DGKZ: variants seen among roughly 807,000 people sequenced by gnomAD.
DGKZ encodes diacylglycerol kinase zeta.
A neutral mutation model predicts 142.5 loss-of-function variants in DGKZ; 45 were observed. That is an observed-to-expected ratio of 0.32 (90% CI 0.25 to 0.40). The LOEUF (loss-of-function observed/expected upper bound fraction) is 0.40. DGKZ is among the 10% of genes least tolerant of loss of function. DGKZ has a pLI of 1.00. For synonymous variants in DGKZ, 442 were observed against 527.0 expected, an observed-to-expected ratio of 0.84 and a Z score of 2.21; for missense variants, 755 against 1,306.5, an observed-to-expected ratio of 0.58 and a Z score of 6.51.
chr11:46,358,276 T>C (rs1565024220), intron 1 of DGKZ, among the ~76,000 whole-genome samples: 1 of 152,176 alleles, frequency 6.6e-6, no homozygotes, highest in Non-Finnish European at 1.5e-5. Context: ...TTATAAAGTC[T>C]AGACCCTTGT....
chr11:46,376,271 T>C (rs1313788670), intron 22 of DGKZ, 57 bp from the exon 23 acceptor site: 21 of 1,610,662 alleles, frequency 1.3e-5, no homozygotes, highest in Non-Finnish European at 1.6e-5. Flanking sequence ...TACTCCAAGT[T>C]CCCTTCCCTC....
At chr11:46,366,058 A>G in intron 1 of DGKZ, 3 of 985,326 alleles carry the variant, frequency 3.0e-6, no homozygotes, top group Non-Finnish European at 3.6e-6. Flanking sequence ...CCTCACATGG[A>G]GGTCAGAGGC....
intron 1 of DGKZ, among the ~76,000 whole-genome samples, chr11:46,361,261 G>A (rs773716412): frequency 2.6e-5 from 4 of 152,226 alleles, no homozygotes; most frequent in African/African-American, 4.8e-5. Flanking sequence ...GCATTAGTGG[G>A]GGGCCCCCTC....
chr11:46,352,820 C>T (rs572657901), intron 1 of DGKZ, among the ~76,000 whole-genome samples: 1 of 152,262 alleles, frequency 6.6e-6, no homozygotes, highest in African/African-American at 2.4e-5. Flanking sequence ...TCCTCTGTTC[C>T]GTGTCGGGGT....
intron 6 of DGKZ, among the ~76,000 whole-genome samples, chr11:46,370,662 G>A (rs1052733826): frequency 6.6e-6 from 1 of 152,248 alleles, no homozygotes; most frequent in Non-Finnish European, 1.5e-5. Context: ...TGAGGCAGGA[G>A]TTAGCCTGCA....
chr11:46,366,209 C>G, intron 1 of DGKZ: 2 of 1,518,892 alleles, frequency 1.3e-6, no homozygotes, highest in Non-Finnish European at 1.7e-6. Flanking sequence ...TGGCCTGATC[C>G]AGCTCCTGAT....
At chr11:46,353,983 C>T (rs900479089) in intron 1 of DGKZ, among the ~76,000 whole-genome samples, 6 of 152,210 alleles carry the variant, frequency 3.9e-5, no homozygotes, top group East Asian at 1.9e-4. Flanking sequence ...GAGGCGGGGG[C>T]GGTTGTGAAA....
At position 46,366,710 on chromosome 11, in the gene DGKZ, C is replaced by CT; in HGVS notation, c.162-580dup. 1.9e-6 allele frequency: 3 copies of CT among 1,559,652 alleles called. No individual in the cohort carries two copies. In the East Asian group the frequency reaches 7.2e-5, roughly 37 times the overall value. On this transcript the variant is annotated intron_variant, in intron 1 of 30. Coordinates refer to ENST00000527911, the Ensembl canonical transcript of DGKZ. ...ACCCCCACCTCGGGGCGCCCAGCCG[C>CT]TGTTGCCCCTACCCCGCTACCTGCG...
Position 46,379,607 on chromosome 11 carries a change from A to G in DGKZ, c.2688+39A>G, listed in dbSNP as rs199524364. 1.9e-6 allele frequency: 3 copies of G among 1,549,342 alleles called. No individual in the cohort carries two copies. In the East Asian group the frequency reaches 6.9e-5, roughly 35 times the overall value. ...AGGCAGGGAGCCCACGAGGGCACCA[A>G]CCAAACCTTTCCCAAGGTCCTAGGC... On this transcript the variant is annotated intron_variant, in intron 30 of 30. Transcript: ENST00000527911.
At chr11:46,364,734 C>T (rs1400101064) in intron 1 of DGKZ, 1 of 985,338 alleles carries the variant, frequency 1.0e-6, no homozygotes, top group Non-Finnish European at 1.2e-6. Context: ...GGCCTGACTC[C>T]TCCAGCCCTT....
At position 46,377,256 on chromosome 11, in the gene DGKZ, C is replaced by T. The variant is rs528364890; in HGVS notation, c.2342+44C>T. 5.1e-5 allele frequency: 79 copies of T among 1,538,266 alleles called. No individual in the cohort carries two copies. In the South Asian group the frequency reaches 9.5e-4, roughly 19 times the overall value. On this transcript the variant is annotated intron_variant, in intron 25 of 30. Transcript: ENST00000527911. ...TCCCTCCAGCCCCTGGCTTTCAGCCCCACCTGTAAGCCGATGACTTCTGAA... is the reference window on the plus strand; with the variant it reads ...TCCCTCCAGCCCCTGGCTTTCAGCCTCACCTGTAAGCCGATGACTTCTGAA...
upstream of DGKZ, chr11:46,345,177 C>T: frequency 7.6e-6 from 8 of 1,050,982 alleles, no homozygotes; most frequent in South Asian, 1.7e-4. This position sits in a 1 kb window ranked among gnomAD's most constrained non-coding sequence, Gnocchi z 4.1. Context: ...GTGCAGATTC[C>T]AGCCCAAGCA....
chr11:46,348,794 C>T (rs922859660), intron 1 of DGKZ, among the ~76,000 whole-genome samples: 1 of 152,196 alleles, frequency 6.6e-6, no homozygotes. Context: ...GACCTGGCTC[C>T]CTGCGCTTCT....
At chr11:46,364,526 G>A in intron 1 of DGKZ, 3 of 1,207,318 alleles carry the variant, frequency 2.5e-6, no homozygotes, top group Non-Finnish European at 3.2e-6. Flanking sequence ...TGACCTCCCT[G>A]TCATCTGAGG....
chr11:46,376,416 T>G lies in DGKZ; in HGVS notation c.2161+19T>G. The G allele has an allele frequency of 6.2e-7, 1 of 1,613,990 alleles. No individual in the cohort carries two copies. Among genetic ancestry groups the G allele is most frequent in the South Asian group, 1.1e-5 (1 of 91,084 alleles). On this transcript the variant is annotated intron_variant, in intron 23 of 30. Coordinates refer to ENST00000527911, the Ensembl canonical transcript of DGKZ. ...CTGGACGGTGAGTCTACTCCCAGGG[T>G]GCCAAGCTGTTTCGTGTTCCCTCCC...
At position 46,367,107 on chromosome 11, in the gene DGKZ, T is replaced by C; in HGVS notation, c.162-184T>C. The C allele has an allele frequency of 1.5e-6, 2 of 1,344,560 alleles. No individual in the cohort carries two copies. Among genetic ancestry groups the C allele is most frequent in the Non-Finnish European group, 2.0e-6 (2 of 980,408 alleles). The allele number at this position is 1,344,560 out of a possible 1,614,324, so 83.3% of individuals were successfully genotyped here. ...CTTGGGAACACTCTGGGCAGTACCC[T>C]GAAGCCAGCGTACCCCAAAAGGCCA... On this transcript the variant is annotated intron_variant, in intron 1 of 30. Coordinates refer to ENST00000527911, the Ensembl canonical transcript of DGKZ. The surrounding 1 kb of genome is among the most constrained non-coding windows in gnomAD (Gnocchi z 4.1).
chr11:46,348,473 C>T (rs1051434266), intron 1 of DGKZ, among the ~76,000 whole-genome samples: 13 of 152,228 alleles, frequency 8.5e-5, no homozygotes, highest in Admixed American at 8.5e-4. Flanking sequence ...CAGCCCATCC[C>T]TCTGCTAGGC....
intron 15 of DGKZ, 38 bp from the exon 16 acceptor site, chr11:46,374,361 G>T: frequency 6.2e-7 from 1 of 1,613,954 alleles, no homozygotes; most frequent in Non-Finnish European, 8.5e-7. Flanking sequence ...GGGCAGGCTG[G>T]GGTGACTCAC....
Position 46,367,939 on chromosome 11 carries a change from G to A in DGKZ, c.367-63G>A, listed in dbSNP as rs1383101022. ...TGCACACAAAGGGCAGCTGTGCTGG[G>A]GCAGGCAGCCTCCGAGATAGACTTA... On this transcript the variant is annotated intron_variant, in intron 3 of 30. Transcript: ENST00000527911. The surrounding 1 kb of genome is among the most constrained non-coding windows in gnomAD (Gnocchi z 4.1). 16 of 1,586,938 alleles carry A rather than the reference G, an allele frequency of 1.0e-5. No individual in the cohort carries two copies. Among genetic ancestry groups the A allele is most frequent in the Non-Finnish European group, 1.4e-5 (16 of 1,156,000 alleles).
Sources: gnomAD v4.1 joint callset for allele counts (sites outside exome capture counted in the v4.1 genomes callset) on GRCh38, gnomAD v4.1.1 for gene constraint, Gnocchi (gnomAD v3.1) non-coding constraint, MANE v1.5 for transcripts, NCBI Gene and HGNC (gene_info 2026-07-23, HGNC 2026-07-21) for gene names.